The following ABCD3 variants were observed in gnomAD, a reference collection of about 807,000 sequenced individuals.
ABCD3 encodes the protein ATP binding cassette subfamily D member 3.
ABCD3 carries 41 observed loss-of-function variants against 105.5 expected under a neutral mutation model. The ratio of observed to expected loss-of-function variants is 0.39; its 90% CI spans 0.30 to 0.50. The LOEUF (loss-of-function observed/expected upper bound fraction) is 0.50. Among genes scored for constraint, ABCD3 ranks in the 20% least tolerant of loss-of-function variants. The pLI is 0.84. For missense variants in ABCD3, 622 were observed against 806.3 expected, an observed-to-expected ratio of 0.77 and a Z score of 2.77; for synonymous variants, 258 against 269.0, an observed-to-expected ratio of 0.96 and a Z score of 0.40.
intron 20 of ABCD3, among the ~76,000 whole-genome samples, chr1:94,503,359 G>T (rs919133914): frequency 2.6e-5 from 4 of 152,106 alleles, no homozygotes; most frequent in African/African-American, 9.7e-5. Context: ...TTAATTAACT[G>T]TGTGCTGCTC....
rs546795066 is a variant in ABCD3, at chr1:94,518,384, A to G, written c.*1255A>G. ...GTTTTGTTTTTTTGCAGAATTAACT[A>G]TAACAATCACTGGCTACCGAAGTAA... is the stretch of plus-strand genomic sequence containing the variant. On this transcript the variant is annotated 3_prime_UTR_variant, in exon 23 of 23. Transcript: ENST00000370214. The G allele has an allele frequency of 7.9e-5, 12 of 152,174 alleles. No individual in the cohort carries two copies. Among genetic ancestry groups the G allele is most frequent in the Non-Finnish European group, 1.0e-4 (7 of 67,770 alleles). The allele number at this position is 152,174 out of a possible 1,614,324, so 9.4% of individuals were successfully genotyped here.
the ABCD3 span, among the ~76,000 whole-genome samples, chr1:94,394,371 G>C: frequency 6.6e-6 from 1 of 152,204 alleles, no homozygotes; most frequent in Non-Finnish European, 1.5e-5. Context: ...TCCTTGCCAT[G>C]TAAAGGTAAA....
intron 2 of ABCD3, 149 bp from the exon 3 acceptor site, chr1:94,464,626 A>C (rs1462361216): frequency 8.5e-6 from 6 of 707,764 alleles, no homozygotes; most frequent in African/African-American, 7.1e-5. Flanking sequence ...TTTGAATATG[A>C]GGAGCAGTGT....
chr1:94,478,111 T>C, intron 7 of ABCD3, 148 bp from the exon 8 acceptor site: 1 of 580,760 alleles, frequency 1.7e-6, no homozygotes, highest in Non-Finnish European at 3.1e-6. Context: ...ATCTACTTAC[T>C]ATCACAGTAC....
chr1:94,499,111 G>A, intron 19 of ABCD3, 77 bp downstream of exon 19: 1 of 1,314,452 alleles, frequency 7.6e-7, no homozygotes, highest in Middle Eastern at 2.0e-4. Context: ...TATTTTAAAT[G>A]CCAGGTAGTT....
chr1:94,456,255 A>T lies in ABCD3; in HGVS notation c.111-2352A>T, dbSNP rs868576653. 3.8e-3 allele frequency among the ~76,000 whole-genome samples: 171 copies of T among 44,956 alleles called. 3 individuals carry two copies. The highest frequency in any genetic ancestry group is 0.014 in the African/African-American group (155 of 11,252). 29.5% of individuals were successfully genotyped at this position (44,956 alleles called of 152,430 possible). On this transcript the variant is annotated intron_variant, in intron 1 of 22. Transcript: ENST00000370214. ...CATCCATGTTGTTGCAAATGACAGA[A>T]TTTTTTTTTTTTTTTTTTTTTTTTT... is the stretch of plus-strand genomic sequence containing the variant.
At chr1:94,500,023 G>A (rs1234617628) in intron 20 of ABCD3, among the ~76,000 whole-genome samples, 1 of 152,006 alleles carries the variant, frequency 6.6e-6, no homozygotes, top group Non-Finnish European at 1.5e-5. Flanking sequence ...TATTAGAAAC[G>A]ATCCATTCAA....
At chr1:94,401,056 G>A in the ABCD3 span, among the ~76,000 whole-genome samples, 16 of 152,294 alleles carry the variant, frequency 1.1e-4, no homozygotes, top group Middle Eastern at 3.4e-3. Flanking sequence ...TTCCCCACTA[G>A]CAAGAAAGCT....
chr1:94,484,505 C>A (rs1055629607), intron 10 of ABCD3, among the ~76,000 whole-genome samples: 58 of 152,222 alleles, frequency 3.8e-4, no homozygotes, highest in African/African-American at 1.3e-3. Flanking sequence ...ATGCAGCTGG[C>A]AACCATCATT....
intron 16 of ABCD3, 129 bp from the exon 17 acceptor site, chr1:94,498,473 C>A: frequency 1.1e-6 from 1 of 941,656 alleles, no homozygotes; most frequent in Non-Finnish European, 1.7e-6. Flanking sequence ...CCTAATGCTA[C>A]ATTTACAGAC....
chr1:94,436,313 GAC>G (rs1208213979), intron 1 of ABCD3, among the ~76,000 whole-genome samples: 1 of 152,174 alleles, frequency 6.6e-6, no homozygotes, highest in African/African-American at 2.4e-5. Flanking sequence ...GATTCTCAAA[GAC>G]ACAGTTGATG....
upstream of ABCD3, among the ~76,000 whole-genome samples, chr1:94,413,494 C>T (rs2100854054): frequency 6.6e-6 from 1 of 152,258 alleles, no homozygotes; most frequent in East Asian, 1.9e-4. Context: ...CTGAGTCCAT[C>T]AGAAAGTCTA....
At chr1:94,453,338 T>G (rs549523159) in intron 1 of ABCD3, among the ~76,000 whole-genome samples, 1 of 150,980 alleles carries the variant, frequency 6.6e-6, no homozygotes. Flanking sequence ...TTTTTTTTTT[T>G]GAGATGGAGT....
At chr1:94,431,087 T>G (rs1485667183) in intron 1 of ABCD3, among the ~76,000 whole-genome samples, 2 of 152,350 alleles carry the variant, frequency 1.3e-5, no homozygotes, top group East Asian at 3.9e-4. Flanking sequence ...CATTTCCTTT[T>G]TACTATGCAT....
chr1:94,488,429 A>T (rs984031387), intron 13 of ABCD3, among the ~76,000 whole-genome samples: 1 of 152,118 alleles, frequency 6.6e-6, no homozygotes, highest in African/African-American at 2.4e-5. Flanking sequence ...TTGTATCTGT[A>T]GGCGTGCTTG....
At chr1:94,440,470 T>C (rs190071658) in intron 1 of ABCD3, among the ~76,000 whole-genome samples, 1 of 152,270 alleles carries the variant, frequency 6.6e-6, no homozygotes, top group Admixed American at 6.5e-5. Context: ...TAATTTTGAG[T>C]CTTCAAGGGT....
At chr1:94,421,532 A>C (rs1175676508) in intron 1 of ABCD3, among the ~76,000 whole-genome samples, 3 of 150,700 alleles carry the variant, frequency 2.0e-5, no homozygotes, top group Non-Finnish European at 4.4e-5. Flanking sequence ...CTATTTCAGA[A>C]TGTTATATTA....
Position 94,480,446 on chromosome 1 carries a change from C to G in ABCD3, c.685-18C>G, listed in dbSNP as rs1423754717. 6.2e-7 allele frequency: 1 copy of G among 1,613,400 alleles called. No individual in the cohort carries two copies. Among genetic ancestry groups the G allele is most frequent in the Non-Finnish European group, 8.5e-7 (1 of 1,179,636 alleles). ...ATATCCCAGAACTTTGTGTATCTTT[C>G]TCTCCCAATAATAATAGGGCCCAGC... On this transcript the variant is annotated intron_variant, in intron 8 of 22. Transcript: ENST00000370214.
chr1:94,404,266 C>T, the ABCD3 span, among the ~76,000 whole-genome samples: 1 of 152,110 alleles, frequency 6.6e-6, no homozygotes, highest in East Asian at 1.9e-4. Context: ...AATTACTTTG[C>T]CCATAATACT....
Sources: allele counts gnomAD v4.1 joint callset (sites outside exome capture counted in the v4.1 genomes callset), GRCh38; gene constraint gnomAD v4.1.1; transcripts MANE v1.5; gene names NCBI Gene and HGNC (gene_info 2026-07-23, HGNC 2026-07-21).